The following SKAP2 variants were observed in gnomAD, a reference collection of about 807,000 sequenced individuals.
SKAP2 encodes the protein src kinase associated phosphoprotein 2.
Under a neutral mutation model 54.9 loss-of-function variants are expected in SKAP2, and 28 were observed. That is an observed-to-expected ratio of 0.51 (90% confidence interval 0.38 to 0.70). SKAP2 has a LOEUF of 0.70. SKAP2 is among the 30% of genes least tolerant of loss of function. SKAP2 has a pLI of 0.00. For missense variants in SKAP2, 356 were observed against 424.1 expected, an observed-to-expected ratio of 0.84 and a Z score of 1.41; for synonymous variants, 137 against 134.3, an observed-to-expected ratio of 1.02 and a Z score of -0.14.
intron 9 of SKAP2, among the ~76,000 whole-genome samples, chr7:26,713,457 TG>T (rs1562584154): frequency 1.3e-5 from 2 of 152,006 alleles, no homozygotes; most frequent in African/African-American, 4.8e-5. Flanking sequence ...TAAGATGACA[TG>T]AGGAGAAGGT....
At chr7:26,796,214 A>G (rs1783775446) in intron 4 of SKAP2, among the ~76,000 whole-genome samples, 1 of 152,248 alleles carries the variant, frequency 6.6e-6, no homozygotes, top group Non-Finnish European at 1.5e-5. Flanking sequence ...GTAGTATTAA[A>G]TCATAACTGC....
chr7:26,806,955 T>C (rs1784041338), intron 4 of SKAP2, among the ~76,000 whole-genome samples: 1 of 152,118 alleles, frequency 6.6e-6, no homozygotes, highest in Admixed American at 6.5e-5. Context: ...ATGGATGACT[T>C]AGAGGTTCAG....
intron 4 of SKAP2, among the ~76,000 whole-genome samples, chr7:26,746,035 C>G (rs1473396756): frequency 6.6e-6 from 1 of 152,078 alleles, no homozygotes; most frequent in Non-Finnish European, 1.5e-5. Context: ...TTTTCAGGTG[C>G]CAGTATGTCA....
At chr7:26,777,591 G>A (rs1783339481) in intron 4 of SKAP2, among the ~76,000 whole-genome samples, 1 of 152,060 alleles carries the variant, frequency 6.6e-6, no homozygotes, top group African/African-American at 2.4e-5. Flanking sequence ...TATCCACATG[G>A]TAGCAGTGTG....
At chr7:26,847,599 TA>T (rs1784953354) in intron 3 of SKAP2, among the ~76,000 whole-genome samples, 1 of 151,842 alleles carries the variant, frequency 6.6e-6, no homozygotes, top group African/African-American at 2.4e-5. Context: ...TTTACAGACA[TA>T]AGTGAAAGCA....
At chr7:26,828,034 T>C (rs1013301690) in intron 4 of SKAP2, among the ~76,000 whole-genome samples, 4 of 152,190 alleles carry the variant, frequency 2.6e-5, no homozygotes, top group African/African-American at 9.7e-5. Flanking sequence ...CAAACTAACT[T>C]TCTTTTGTTA....
the SKAP2 span, among the ~76,000 whole-genome samples, chr7:26,660,046 T>A: frequency 6.6e-6 from 1 of 152,102 alleles, no homozygotes; most frequent in Non-Finnish European, 1.5e-5. Flanking sequence ...AACATTTTTT[T>A]AAGAGAAAAA....
chr7:26,826,785 C>T (rs1784500606), intron 4 of SKAP2, among the ~76,000 whole-genome samples: 2 of 152,108 alleles, frequency 1.3e-5, no homozygotes, highest in African/African-American at 2.4e-5. Context: ...CAGTGACATA[C>T]CTTATTAATC....
At chr7:26,816,639 A>G (rs1367478486) in intron 4 of SKAP2, among the ~76,000 whole-genome samples, 1 of 152,116 alleles carries the variant, frequency 6.6e-6, no homozygotes, top group African/African-American at 2.4e-5. Context: ...TGCACTTAAT[A>G]TATTAGTAAT....
rs1782695820 is a variant in SKAP2 at position 26,751,981 on chromosome 7, A to C, written c.308-12017T>G. Among the ~76,000 whole-genome samples, 3 of 152,128 alleles carry C rather than the reference A, an allele frequency of 2.0e-5. No individual in the cohort carries two copies. In the South Asian group the frequency reaches 6.2e-4, roughly 32 times the overall value. ...GCAAATACCTGTATAGAAAAATGTT[A>C]ATGTTAGGAGAATTGGGGTGAAAGG... On this transcript the variant is annotated intron_variant, in intron 4 of 12. Transcript: ENST00000345317.
At chr7:26,834,707 C>T (rs1584417545) in intron 4 of SKAP2, among the ~76,000 whole-genome samples, 1 of 152,098 alleles carries the variant, frequency 6.6e-6, no homozygotes, top group Admixed American at 6.5e-5. Flanking sequence ...TAATTAACAG[C>T]CTACCAACCA....
intron 9 of SKAP2, among the ~76,000 whole-genome samples, chr7:26,709,816 G>A (rs1787257595): frequency 6.6e-6 from 1 of 152,102 alleles, no homozygotes; most frequent in Admixed American, 6.5e-5. Context: ...ATAGGGAACT[G>A]GTAACTCAAG....
intron 10 of SKAP2, among the ~76,000 whole-genome samples, chr7:26,689,374 G>A (rs566349659): frequency 9.9e-5 from 15 of 152,090 alleles, no homozygotes; most frequent in Non-Finnish European, 1.6e-4. Context: ...ATAATTGCTG[G>A]TTTATCAAAA....
At chr7:26,725,600 G>T in intron 8 of SKAP2, 35 bp from the exon 9 acceptor site, 8 of 1,507,684 alleles carry the variant, frequency 5.3e-6, no homozygotes, top group Admixed American at 2.0e-5. Flanking sequence ...AATTTTAAAA[G>T]AATGCAGAAG....
At chr7:26,847,105 C>G (rs1784939240) in intron 3 of SKAP2, among the ~76,000 whole-genome samples, 1 of 151,462 alleles carries the variant, frequency 6.6e-6, no homozygotes, top group African/African-American at 2.4e-5. Flanking sequence ...TTTTTTAAAT[C>G]AGTGTGATGT....
intron 4 of SKAP2, among the ~76,000 whole-genome samples, chr7:26,824,651 G>T (rs1297735536): frequency 1.3e-5 from 2 of 152,170 alleles, no homozygotes; most frequent in Non-Finnish European, 2.9e-5. Context: ...TTAGTAAAGT[G>T]TCAGACTAGA....
chr7:26,723,265 G>A lies in SKAP2; in HGVS notation c.796+2163C>T, dbSNP rs116294787. Among the ~76,000 whole-genome samples, 1,289 of 152,200 alleles carry A rather than the reference G, an allele frequency of 8.5e-3. 16 individuals are homozygous for A. The highest frequency in any genetic ancestry group is 0.029 in the African/African-American group (1,188 of 41,506). On this transcript the variant is annotated intron_variant, in intron 9 of 12. Coordinates refer to ENST00000345317, the MANE Select transcript of SKAP2 (RefSeq NM_003930.5). ...TACTAGAAAAATCCCCTCTGTAGCC[G>A]TTGGCACAAACTTGACAAACTTGCT...
intron 9 of SKAP2, among the ~76,000 whole-genome samples, chr7:26,695,646 T>C (rs1268393566): frequency 6.6e-6 from 1 of 152,210 alleles, no homozygotes; most frequent in African/African-American, 2.4e-5. Context: ...TTGAAAACAT[T>C]TTCACATAGA....
intron 4 of SKAP2, among the ~76,000 whole-genome samples, chr7:26,827,026 T>A (rs1361245777): frequency 6.6e-6 from 1 of 152,164 alleles, no homozygotes; most frequent in Non-Finnish European, 1.5e-5. Flanking sequence ...CCAAAATAAG[T>A]CCTATTCAGT....
Sources: gnomAD v4.1 joint callset for allele counts (sites outside exome capture counted in the v4.1 genomes callset) on GRCh38, gnomAD v4.1.1 for gene constraint, MANE v1.5 for transcripts, NCBI Gene and HGNC (gene_info 2026-07-23, HGNC 2026-07-21) for gene names.